Variants in TAB2 observed in about 807,000 individuals in gnomAD.
TAB2 encodes TGF-beta-activated kinase 1 and MAP3K7-binding protein 2.
Under a neutral mutation model 65.0 loss-of-function variants are expected in TAB2, and 3 were observed. That is an observed-to-expected ratio of 0.05 (90% CI 0.02 to 0.12). The LOEUF (loss-of-function observed/expected upper bound fraction) is 0.12. Ranked by LOEUF, TAB2 falls within the 10% of genes least tolerant of loss-of-function variation. The pLI is 1.00. For missense variants in TAB2, 623 were observed against 840.3 expected (o/e 0.74, Z 3.20); for synonymous variants, 298 against 285.1 (o/e 1.05, Z -0.46).
intron 1 of TAB2, among the ~76,000 whole-genome samples, chr6:149,352,098 A>C (rs185974091): frequency 3.9e-5 from 6 of 152,292 alleles, no homozygotes; most frequent in African/African-American, 9.6e-5. Context: ...AAATTATGTA[A>C]ATTGAGTAGT....
chr6:149,367,055 C>T (rs1781063403), intron 1 of TAB2, among the ~76,000 whole-genome samples: 2 of 151,590 alleles, frequency 1.3e-5, no homozygotes, highest in African/African-American at 2.4e-5. Flanking sequence ...TTTTATTCAA[C>T]AAATATGTTG....
At chr6:149,268,905 A>G (rs2114674017) in intron 1 of TAB2, among the ~76,000 whole-genome samples, 1 of 152,276 alleles carries the variant, frequency 6.6e-6, no homozygotes, top group South Asian at 2.1e-4. Context: ...GATCTTTTTC[A>G]TATCAAATTA....
chr6:149,253,494 G>A (rs1777901581), intron 1 of TAB2, among the ~76,000 whole-genome samples: 1 of 151,810 alleles, frequency 6.6e-6, no homozygotes, highest in African/African-American at 2.4e-5. Context: ...AGCCGGGCGT[G>A]GTGGCACAAG....
intron 1 of TAB2, chr6:149,321,490 G>A (rs899830499): frequency 6.6e-6 from 1 of 152,110 alleles, no homozygotes; most frequent in Admixed American, 6.5e-5. Flanking sequence ...TGCTAAGAGG[G>A]TACTATCTTT....
chr6:149,223,645 C>T (rs770948513), intron 1 of TAB2, among the ~76,000 whole-genome samples: 8 of 152,166 alleles, frequency 5.3e-5, no homozygotes, highest in Non-Finnish European at 1.2e-4. Flanking sequence ...AGACTGATTG[C>T]CCCTACCGTT....
At chr6:149,402,516 A>G (rs919128676) in intron 6 of TAB2, among the ~76,000 whole-genome samples, 4 of 151,842 alleles carry the variant, frequency 2.6e-5, no homozygotes, top group African/African-American at 7.3e-5. Flanking sequence ...AGAAAAGTCC[A>G]GAACTGGATG....
intron 1 of TAB2, among the ~76,000 whole-genome samples, chr6:149,260,127 A>G (rs959893960): frequency 6.6e-6 from 1 of 152,222 alleles, no homozygotes; most frequent in African/African-American, 2.4e-5. Flanking sequence ...ATTTTAAAAT[A>G]TCACACATGG....
upstream of TAB2, among the ~76,000 whole-genome samples, chr6:149,316,739 T>C (rs1229431497): frequency 2.6e-5 from 4 of 152,130 alleles, no homozygotes; most frequent in Non-Finnish European, 4.4e-5. Flanking sequence ...CTAGGACTTC[T>C]AGGAACGTGC....
chr6:149,302,758 C>T (rs1026086136), intron 1 of TAB2, among the ~76,000 whole-genome samples: 3 of 152,224 alleles, frequency 2.0e-5, no homozygotes, highest in Non-Finnish European at 4.4e-5. Flanking sequence ...CTATCTATCT[C>T]CCAGCCTCTC....
chr6:149,285,214 G>A lies in TAB2; in HGVS notation c.-121+66438G>A, dbSNP rs151011096. On this transcript the variant is annotated intron_variant, in intron 1 of 1. Transcript: ENST00000606202. ...TCATCTCCATTGTGCTCTTCAACAG[G>A]GTATGGGGTAGTCTCCCAGGAAATA... Among the ~76,000 whole-genome samples the A allele has an allele frequency of 1.1e-3, 171 of 152,284 alleles. 2 individuals carry two copies. Among genetic ancestry groups the A allele is most frequent in the Admixed American group, 9.2e-3 (140 of 15,290 alleles).
At chr6:149,314,865 CTTT>C (rs57785399), upstream of TAB2, among the ~76,000 whole-genome samples, 88 of 143,308 alleles carry the variant, frequency 6.1e-4, no homozygotes, top group African/African-American at 1.9e-3. Context: ...GGAACTATAT[CTTT>C]TTTTTTTTTT....
At chr6:149,285,172 T>G (rs1244758837) in intron 1 of TAB2, among the ~76,000 whole-genome samples, 1 of 152,234 alleles carries the variant, frequency 6.6e-6, no homozygotes, top group East Asian at 1.9e-4. Flanking sequence ...CCTGGTTTGT[T>G]GGAGGATTAA....
At chr6:149,349,404 A>G (rs1312260187) in intron 1 of TAB2, among the ~76,000 whole-genome samples, 1 of 144,514 alleles carries the variant, frequency 6.9e-6, no homozygotes, top group Non-Finnish European at 1.5e-5. Flanking sequence ...TGGGCAACAG[A>G]GTGACACTCC....
intron 1 of TAB2, among the ~76,000 whole-genome samples, chr6:149,276,565 C>T (rs908390811): frequency 1.3e-5 from 2 of 152,148 alleles, no homozygotes; most frequent in African/African-American, 4.8e-5. Flanking sequence ...AAAATCCTAC[C>T]TTCAGCTTTT....
chr6:149,339,726 G>A (rs1451167684), intron 1 of TAB2, among the ~76,000 whole-genome samples: 1 of 151,192 alleles, frequency 6.6e-6, no homozygotes, highest in African/African-American at 2.4e-5. Flanking sequence ...AGCCTCCCTA[G>A]TAGCTGGGAC....
At position 149,369,944 on chromosome 6, in the gene TAB2, A is replaced by T. The variant is rs1781164009; in HGVS notation, c.-54A>T. The T allele has an allele frequency of 6.8e-7, 1 of 1,479,030 alleles. No homozygotes were observed. The highest frequency in any genetic ancestry group is 9.5e-7 in the Non-Finnish European group (1 of 1,057,010). 91.6% of individuals were successfully genotyped at this position (1,479,030 alleles called of 1,614,324 possible). ...GACAGAAGAGATGAGTACTATTTCC[A>T]CTAAGGCCTAGAATTGCCTACTGTA... is the stretch of plus-strand genomic sequence containing the variant. On this transcript the variant is annotated 5_prime_UTR_variant, in exon 2 of 7. Coordinates refer to ENST00000637181, the MANE Select transcript of TAB2 (RefSeq NM_001292034.3).
chr6:149,252,706 C>T (rs1352329191), intron 1 of TAB2, among the ~76,000 whole-genome samples: 1 of 152,178 alleles, frequency 6.6e-6, no homozygotes, highest in Non-Finnish European at 1.5e-5. Context: ...TCACCCTAGT[C>T]TTAGTACTGC....
chr6:149,259,593 C>T (rs1356263165), intron 1 of TAB2, among the ~76,000 whole-genome samples: 1 of 152,172 alleles, frequency 6.6e-6, no homozygotes, highest in Non-Finnish European at 1.5e-5. Context: ...TTAGCATTGC[C>T]CAACCTGGAC....
chr6:149,283,875 T>C (rs1778622414), intron 1 of TAB2, among the ~76,000 whole-genome samples: 1 of 152,126 alleles, frequency 6.6e-6, no homozygotes, highest in Admixed American at 6.6e-5. Flanking sequence ...TTTTAAAGTA[T>C]AATAAAAATC....
Sources: allele counts gnomAD v4.1 joint callset (sites outside exome capture counted in the v4.1 genomes callset), GRCh38; gene constraint gnomAD v4.1.1; transcripts MANE v1.5; gene names NCBI Gene and HGNC (gene_info 2026-07-23, HGNC 2026-07-21).